DARS1: variants seen among roughly 807,000 people sequenced by gnomAD.
DARS1 encodes aspartyl-tRNA synthetase 1, also known as aspartate--tRNA ligase, cytoplasmic.
Under a neutral mutation model 68.8 loss-of-function variants are expected in DARS1, and 51 were observed. The ratio of observed to expected loss-of-function variants is 0.74; its 90% CI spans 0.59 to 0.94. The LOEUF is 0.94. DARS1 is among the 40% of genes least tolerant of loss of function. DARS1 has a pLI of 0.00. For missense variants in DARS1, 607 were observed against 597.3 expected (o/e 1.02, Z -0.17); for synonymous variants, 203 against 190.4 (o/e 1.07, Z -0.55).
At chr2:135,968,475 G>A (rs1198206944) in intron 3 of DARS1, among the ~76,000 whole-genome samples, 1 of 152,038 alleles carries the variant, frequency 6.6e-6, no homozygotes, top group Non-Finnish European at 1.5e-5. Flanking sequence ...TGCTGGTGGG[G>A]ACTCTGCAGA....
chr2:135,959,391 C>CAA lies in DARS1; in HGVS notation c.320+2003_320+2004dup, dbSNP rs66527494. Among the ~76,000 whole-genome samples the CAA allele has an allele frequency of 3.5e-3, 53 of 15,030 alleles. 14 individuals carry two copies. Among genetic ancestry groups the CAA allele is most frequent in the Non-Finnish European group, 4.0e-3 (27 of 6,740 alleles). 9.9% of individuals were successfully genotyped at this position (15,030 alleles called of 152,430 possible). Reference sequence around the variant, plus strand: ...GGGCAACAAGAGTGAAACTCCGTCTCAAAAAAAAAAAAAAAAAAAAAAAAA... The same window carrying CAA: ...GGGCAACAAGAGTGAAACTCCGTCTCAAAAAAAAAAAAAAAAAAAAAAAAAAA... On this transcript the variant is annotated intron_variant, in intron 4 of 15. Transcript: ENST00000264161.
intron 3 of DARS1, among the ~76,000 whole-genome samples, chr2:135,977,220 G>A (rs1244261415): frequency 6.6e-6 from 1 of 152,204 alleles, no homozygotes; most frequent in Non-Finnish European, 1.5e-5. Context: ...CATCTTATAA[G>A]CTAGGTATTA....
intron 4 of DARS1, among the ~76,000 whole-genome samples, chr2:135,947,409 G>GAAAA (rs201907095): frequency 3.0e-5 from 2 of 67,604 alleles, no homozygotes; most frequent in Admixed American, 1.6e-4. Context: ...CTCCATCTCA[G>GAAAA]AAAAAAAAAA....
At chr2:135,941,683 T>G (rs1681600324) in intron 5 of DARS1, among the ~76,000 whole-genome samples, 1 of 150,984 alleles carries the variant, frequency 6.6e-6, no homozygotes, top group South Asian at 2.1e-4. Context: ...CTAAAGAGCT[T>G]CTGCACAGCA....
At chr2:135,939,824 A>G (rs549796844) in intron 5 of DARS1, among the ~76,000 whole-genome samples, 1 of 152,164 alleles carries the variant, frequency 6.6e-6, no homozygotes, top group African/African-American at 2.4e-5. Context: ...GATAAAGGGG[A>G]TATCACCACC....
intron 4 of DARS1, 55 bp from the exon 5 acceptor site, chr2:135,943,535 C>A: frequency 6.3e-7 from 1 of 1,583,016 alleles, no homozygotes; most frequent in Non-Finnish European, 8.6e-7. Context: ...TGTCAGAACT[C>A]CTCTGGTGTT....
In DARS1 at chr2:135,945,156, T is replaced by C. The variant is rs1468258988; in HGVS notation, c.321-1676A>G. Among the ~76,000 whole-genome samples the C allele has an allele frequency of 2.0e-5, 3 of 152,036 alleles. No individual in the cohort carries two copies. The East Asian group carries it at 5.8e-4, about 29-fold the overall frequency. ...ACTTTTTTTTTTTTGAGACAGGGTC[T>C]TGTCTCTGTCACCTAGGCTGGAGTG... On this transcript the variant is annotated intron_variant, in intron 4 of 15. Coordinates refer to ENST00000264161, the MANE Select transcript of DARS1 (RefSeq NM_001349.4).
chr2:135,939,167 C>T (rs1681539610), intron 5 of DARS1, among the ~76,000 whole-genome samples: 1 of 152,216 alleles, frequency 6.6e-6, no homozygotes, highest in Non-Finnish European at 1.5e-5. Context: ...ACCTAATAGA[C>T]ATCTGCAGAA....
chr2:135,980,066 G>C (rs1340023113), intron 2 of DARS1, among the ~76,000 whole-genome samples: 1 of 152,180 alleles, frequency 6.6e-6, no homozygotes, highest in East Asian at 1.9e-4. Context: ...GCTGGAGAGA[G>C]AAAGGCCTGT....
intron 3 of DARS1, among the ~76,000 whole-genome samples, chr2:135,971,445 A>G (rs1244416573): frequency 2.0e-5 from 3 of 152,200 alleles, no homozygotes; most frequent in South Asian, 4.1e-4. Context: ...ATACCTTAAC[A>G]TAATAAAAGC....
chr2:135,957,745 T>C (rs1045198305), intron 4 of DARS1, among the ~76,000 whole-genome samples: 2 of 152,158 alleles, frequency 1.3e-5, no homozygotes, highest in African/African-American at 4.8e-5. Flanking sequence ...TAGGTTCTCT[T>C]TAGTGGAATA....
At chr2:135,916,470 G>T (rs1280133200) in intron 10 of DARS1, 98 bp from the exon 11 acceptor site, 1 of 563,958 alleles carries the variant, frequency 1.8e-6, no homozygotes, top group Non-Finnish European at 3.2e-6. Flanking sequence ...CTTTGAATCA[G>T]TATATACACC....
chr2:135,943,357 T>A, intron 5 of DARS1, 21 bp downstream of exon 5: 2 of 1,604,040 alleles, frequency 1.2e-6, no homozygotes, highest in Non-Finnish European at 1.7e-6. Context: ...ATATGCGATT[T>A]TATATTTTGA....
At chr2:135,907,563 G>C (rs968281690) in intron 15 of DARS1, among the ~76,000 whole-genome samples, 156 bp from the exon 16 acceptor site, 4 of 152,096 alleles carry the variant, frequency 2.6e-5, no homozygotes, top group Admixed American at 6.6e-5. Context: ...AAACTGTTTT[G>C]AGTATTGATT....
chr2:135,926,787 C>T lies in DARS1; in HGVS notation c.565-2289G>A, dbSNP rs189077245. On this transcript the variant is annotated intron_variant, in intron 7 of 15. Coordinates refer to ENST00000264161, the MANE Select transcript of DARS1 (RefSeq NM_001349.4). Reference sequence around the variant, plus strand: ...TCTCTGCTGGTTGGAACAAGACAAACGGGTAAGATTAGTATCCTGTAAACT... The same window carrying T: ...TCTCTGCTGGTTGGAACAAGACAAATGGGTAAGATTAGTATCCTGTAAACT... Among the ~76,000 whole-genome samples, 286 of 152,230 alleles carry T rather than the reference C, an allele frequency of 1.9e-3. 3 individuals are homozygous for T. Among genetic ancestry groups the T allele is most frequent in the African/African-American group, 6.3e-3 (263 of 41,530 alleles).
At chr2:135,923,209 A>AT (rs888801837) in intron 8 of DARS1, among the ~76,000 whole-genome samples, 60 of 151,036 alleles carry the variant, frequency 4.0e-4, no homozygotes, top group Non-Finnish European at 7.8e-4. Flanking sequence ...AGTTGTTAAA[A>AT]TTTTTTTTTT....
intron 4 of DARS1, among the ~76,000 whole-genome samples, chr2:135,955,282 A>C (rs1425007406): frequency 6.6e-6 from 1 of 152,200 alleles, no homozygotes; most frequent in Non-Finnish European, 1.5e-5. Context: ...AAAGATTTTC[A>C]GCAAAACCGA....
chr2:135,957,120 G>A (rs897206321), intron 4 of DARS1, among the ~76,000 whole-genome samples: 3 of 151,968 alleles, frequency 2.0e-5, no homozygotes, highest in Admixed American at 6.6e-5. Context: ...GCTGGACTGC[G>A]GTGGCACAAT....
At chr2:135,916,960 G>A (rs1681018322) in intron 10 of DARS1, among the ~76,000 whole-genome samples, 1 of 152,270 alleles carries the variant, frequency 6.6e-6, no homozygotes, top group Middle Eastern at 3.4e-3. Context: ...ACTTTGGGAG[G>A]AGGATCACTT....
Sources: allele counts gnomAD v4.1 joint callset (sites outside exome capture counted in the v4.1 genomes callset), GRCh38; gene constraint gnomAD v4.1.1; transcripts MANE v1.5; gene names NCBI Gene and HGNC (gene_info 2026-07-23, HGNC 2026-07-21).